SPATA17: variants seen among roughly 807,000 people sequenced by gnomAD.
SPATA17 encodes spermatogenesis-associated protein 17.
Under a neutral mutation model 62.2 loss-of-function variants are expected in SPATA17, and 53 were observed. That is an observed-to-expected ratio of 0.85 (90% CI 0.68 to 1.07). SPATA17 has a LOEUF of 1.07. Ranked by LOEUF, SPATA17 falls within the 50% of genes least tolerant of loss-of-function variation. The pLI, the probability that SPATA17 is intolerant of heterozygous loss-of-function variation, is 0.00. For missense variants in SPATA17, 466 were observed against 425.5 expected (o/e 1.10, Z -0.84); for synonymous variants, 146 against 146.8 (o/e 0.99, Z 0.04).
chr1:217,826,214 T>C (rs1024424449), intron 9 of SPATA17, among the ~76,000 whole-genome samples: 2 of 152,118 alleles, frequency 1.3e-5, no homozygotes, highest in African/African-American at 4.8e-5. Flanking sequence ...ATGGCCTCTT[T>C]TGTATGTACA....
chr1:217,763,809 A>G (rs1673232495), intron 6 of SPATA17, among the ~76,000 whole-genome samples: 1 of 152,128 alleles, frequency 6.6e-6, no homozygotes, highest in African/African-American at 2.4e-5. Flanking sequence ...TGGGTTGGAT[A>G]TATGGGGTAG....
intron 9 of SPATA17, among the ~76,000 whole-genome samples, chr1:217,808,821 C>T (rs1311742415): frequency 6.6e-6 from 1 of 150,408 alleles, no homozygotes; most frequent in Non-Finnish European, 1.5e-5. Flanking sequence ...CGCCACTGCA[C>T]TCCAGTCTGG....
intron 7 of SPATA17, among the ~76,000 whole-genome samples, chr1:217,776,254 C>T (rs1026084587): frequency 1.3e-5 from 2 of 152,034 alleles, no homozygotes; most frequent in African/African-American, 4.8e-5. Context: ...CTAAAAGTCC[C>T]GGAGAGCCAC....
At chr1:217,649,170 G>A (rs1670252777) in intron 2 of SPATA17, among the ~76,000 whole-genome samples, 199 bp downstream of exon 2, 1 of 152,040 alleles carries the variant, frequency 6.6e-6, no homozygotes, top group Admixed American at 6.6e-5. Context: ...TATATGGACT[G>A]TATTGCTTTT....
chr1:217,725,780 A>C (rs1029080819), intron 5 of SPATA17, among the ~76,000 whole-genome samples: 3 of 152,164 alleles, frequency 2.0e-5, no homozygotes, highest in African/African-American at 7.2e-5. Flanking sequence ...ATGTTTTTAA[A>C]TAGTTTAAAT....
chr1:217,824,103 T>A (rs1233732359), intron 9 of SPATA17, among the ~76,000 whole-genome samples: 2 of 151,998 alleles, frequency 1.3e-5, no homozygotes, highest in Admixed American at 1.3e-4. Flanking sequence ...GAGAATTTAA[T>A]CCATTTACAG....
chr1:217,790,563 C>G (rs1057478661), intron 8 of SPATA17, among the ~76,000 whole-genome samples: 1 of 152,116 alleles, frequency 6.6e-6, no homozygotes, highest in African/African-American at 2.4e-5. Flanking sequence ...GCCTCAGCCT[C>G]CTGAGTAGCT....
chr1:217,655,631 G>A (rs1293181591), intron 3 of SPATA17, among the ~76,000 whole-genome samples: 1 of 151,888 alleles, frequency 6.6e-6, no homozygotes, highest in African/African-American at 2.4e-5. Context: ...TTACTTACCA[G>A]CATTTTGCTA....
chr1:217,789,957 A>G (rs1673960010), intron 8 of SPATA17, among the ~76,000 whole-genome samples: 1 of 152,158 alleles, frequency 6.6e-6, no homozygotes, highest in African/African-American at 2.4e-5. Context: ...GAATCGCTTG[A>G]ATCTGAGAGG....
At chr1:217,644,489 T>C (rs528797023) in intron 1 of SPATA17, among the ~76,000 whole-genome samples, 1 of 152,256 alleles carries the variant, frequency 6.6e-6, no homozygotes, top group South Asian at 2.1e-4. Flanking sequence ...TAGTTACAAG[T>C]TATATGATAA....
At chr1:217,725,355 C>CT (rs1007284754) in intron 5 of SPATA17, among the ~76,000 whole-genome samples, 1 of 152,014 alleles carries the variant, frequency 6.6e-6, no homozygotes, top group South Asian at 2.1e-4. Context: ...CTATAAAATA[C>CT]TTTTTTTTCC....
chr1:217,785,399 C>G (rs1333247408), intron 8 of SPATA17, among the ~76,000 whole-genome samples: 2 of 152,108 alleles, frequency 1.3e-5, no homozygotes, highest in Admixed American at 6.6e-5. Flanking sequence ...AACTTACAGT[C>G]ATGGTGGAAG....
At chr1:217,818,219 G>T (rs1028096538) in intron 9 of SPATA17, among the ~76,000 whole-genome samples, 2 of 151,724 alleles carry the variant, frequency 1.3e-5, no homozygotes, top group African/African-American at 2.4e-5. Context: ...GTTTGCACTT[G>T]ATATATTCTT....
intron 7 of SPATA17, 69 bp from the exon 8 acceptor site, chr1:217,782,105 G>A: frequency 1.4e-6 from 2 of 1,437,428 alleles, no homozygotes; most frequent in South Asian, 3.2e-5. Context: ...ATGTTCACTA[G>A]CCTTGGTCAT....
At chr1:217,754,893 T>C (rs1673003468) in intron 6 of SPATA17, among the ~76,000 whole-genome samples, 1 of 152,094 alleles carries the variant, frequency 6.6e-6, no homozygotes, top group Non-Finnish European at 1.5e-5. Context: ...CTCCCAAATG[T>C]TTTCCTAAAA....
intron 5 of SPATA17, among the ~76,000 whole-genome samples, chr1:217,722,044 T>C (rs1490253580): frequency 6.6e-6 from 1 of 152,194 alleles, no homozygotes; most frequent in Admixed American, 6.5e-5. Context: ...TTTTTACTTT[T>C]TCCAGCTCCT....
At chr1:217,681,723 A>T (rs2102905105) in intron 4 of SPATA17, among the ~76,000 whole-genome samples, 1 of 152,266 alleles carries the variant, frequency 6.6e-6, no homozygotes, top group Middle Eastern at 3.4e-3. Flanking sequence ...ATTGTAAATG[A>T]TTATAAATGA....
chr1:217,701,650 G>A (rs1000637623), intron 5 of SPATA17, among the ~76,000 whole-genome samples: 1 of 152,214 alleles, frequency 6.6e-6, no homozygotes, highest in African/African-American at 2.4e-5. Flanking sequence ...GCCTCCCAAA[G>A]TGCTGTGACT....
intron 5 of SPATA17, among the ~76,000 whole-genome samples, chr1:217,717,349 C>T (rs1368672348): frequency 6.6e-6 from 1 of 152,136 alleles, no homozygotes; most frequent in Non-Finnish European, 1.5e-5. Flanking sequence ...GTGGCTCACA[C>T]CTGTAATCCT....
Sources: gnomAD v4.1 joint callset for allele counts (sites outside exome capture counted in the v4.1 genomes callset) on GRCh38, gnomAD v4.1.1 for gene constraint, MANE v1.5 for transcripts, NCBI Gene and HGNC (gene_info 2026-07-23, HGNC 2026-07-21) for gene names.